ATP6V0E1: variants seen among roughly 807,000 people sequenced by gnomAD.
The protein encoded by ATP6V0E1 is V-type proton ATPase subunit e 1.
A neutral mutation model predicts 11.6 loss-of-function variants in ATP6V0E1; 4 were observed. The observed-to-expected ratio is 0.35, with a 90% CI of 0.17 to 0.79. The LOEUF (loss-of-function observed/expected upper bound fraction) is 0.79. Ranked by LOEUF, ATP6V0E1 falls within the 30% of genes least tolerant of loss-of-function variation. The pLI, the probability that ATP6V0E1 is intolerant of heterozygous loss-of-function variation, is 0.54. For synonymous variants in ATP6V0E1, 36 were observed against 34.8 expected (o/e 1.04, Z -0.13); for missense variants, 105 against 100.0 (o/e 1.05, Z -0.21).
At chr5:173,002,885 G>T (rs1326703789) in intron 2 of ATP6V0E1, among the ~76,000 whole-genome samples, 1 of 151,882 alleles carries the variant, frequency 6.6e-6, no homozygotes, top group Non-Finnish European at 1.5e-5. Context: ...AGGCACTGAG[G>T]GGTAAAGAGC....
chr5:173,034,101 C>T (rs1256996022), intron 3 of ATP6V0E1, among the ~76,000 whole-genome samples: 2 of 152,112 alleles, frequency 1.3e-5, no homozygotes, highest in Non-Finnish European at 2.9e-5. Context: ...CTTGAAACTG[C>T]GGTGAATTCA....
intron 2 of ATP6V0E1, among the ~76,000 whole-genome samples, chr5:173,010,237 A>G (rs1756299035): frequency 6.6e-6 from 1 of 152,114 alleles, no homozygotes; most frequent in South Asian, 2.1e-4. Context: ...GGAGGTGGAG[A>G]TGAGAATGAC....
At chr5:172,995,705 C>T (rs1032829328) in intron 2 of ATP6V0E1, among the ~76,000 whole-genome samples, 2 of 152,182 alleles carry the variant, frequency 1.3e-5, no homozygotes. Flanking sequence ...GCCTCAAACT[C>T]TTAGGCTCAG....
intron 2 of ATP6V0E1, among the ~76,000 whole-genome samples, chr5:173,012,014 C>T (rs1347411639): frequency 2.0e-5 from 3 of 151,518 alleles, no homozygotes; most frequent in African/African-American, 4.9e-5. Flanking sequence ...TCAAATAAAC[C>T]AGACTAGACT....
intron 1 of ATP6V0E1, among the ~76,000 whole-genome samples, chr5:172,984,313 C>T (rs1487911051): frequency 1.3e-5 from 2 of 152,186 alleles, no homozygotes; most frequent in Non-Finnish European, 2.9e-5. Flanking sequence ...CCCCTTTAGC[C>T]CTGCCTTCCA....
In ATP6V0E1 at chr5:172,984,098, G is replaced by T. The variant is rs2113572966; in HGVS notation, c.104+134G>T. On this transcript the variant is annotated intron_variant, in intron 1 of 3. Coordinates refer to ENST00000519374, the MANE Select transcript of ATP6V0E1 (RefSeq NM_003945.4). ...CCCCGCGCTGCAGAGTCAGGCCCCC[G>T]ACCCGGCGGAACTCCTTGTGTTCCT... 9.8e-6 allele frequency: 8 copies of T among 817,422 alleles called. No individual in the cohort carries two copies. In the South Asian group the frequency reaches 1.0e-4, roughly 10 times the overall value. 50.6% of individuals were successfully genotyped at this position (817,422 alleles called of 1,614,324 possible).
intron 2 of ATP6V0E1, among the ~76,000 whole-genome samples, chr5:172,996,454 C>T (rs1461857352): frequency 2.6e-5 from 4 of 151,630 alleles, no homozygotes; most frequent in East Asian, 1.9e-4. Flanking sequence ...CCCAGCTGCT[C>T]GGGAGGCTGA....
chr5:173,032,239 TTTTA>T, intron 3 of ATP6V0E1, among the ~76,000 whole-genome samples: 1 of 7,938 alleles, frequency 1.3e-4, no homozygotes, highest in Admixed American at 1.4e-3. Flanking sequence ...GCACATTTAC[TTTTA>T]TTTTATTTTA....
chr5:173,021,116 T>C (rs1440361903), intron 3 of ATP6V0E1, among the ~76,000 whole-genome samples: 1 of 152,036 alleles, frequency 6.6e-6, no homozygotes, highest in Non-Finnish European at 1.5e-5. Flanking sequence ...TTTTTACTTA[T>C]GGCAGAAAGC....
chr5:172,983,928 T>G lies in ATP6V0E1; in HGVS notation c.68T>G (p.Leu23Trp). 2.5e-6 allele frequency: 4 copies of G among 1,613,178 alleles called. No individual in the cohort carries two copies. The highest frequency in any genetic ancestry group is 3.4e-6 in the Non-Finnish European group (4 of 1,179,812). The change falls in exon 1 of 4, where the codon TTG (leucine) becomes TGG (tryptophan). Residue 23 changes from leucine (L) to tryptophan (W), a missense_variant. Leu to Trp is a moderately conservative substitution (Grantham distance 61). Transcript: ENST00000519374. Reference sequence around the variant, plus strand: ...GTGTTCTGGGGCTTCGTCGGCTTCTTGGTGCCTTGGTTCATCCCTAAGGGT... The same window carrying G: ...GTGTTCTGGGGCTTCGTCGGCTTCTGGGTGCCTTGGTTCATCCCTAAGGGT... ...MSVFWGFVGF[L>W]VPWFIPKGPN...
intron 1 of ATP6V0E1, among the ~76,000 whole-genome samples, chr5:172,988,081 C>CT (rs1056914628): frequency 2.6e-5 from 4 of 151,944 alleles, no homozygotes; most frequent in Admixed American, 6.6e-5. Flanking sequence ...ACTTTTTAAA[C>CT]TTTTTTTTGT....
intron 3 of ATP6V0E1, among the ~76,000 whole-genome samples, chr5:173,023,147 G>A (rs540528604): frequency 6.6e-5 from 10 of 152,112 alleles, no homozygotes; most frequent in South Asian, 4.2e-4. Flanking sequence ...ATCAGCCACC[G>A]TGCCTGGCCG....
chr5:173,032,232 CATTT>C (rs1263702696), intron 3 of ATP6V0E1, among the ~76,000 whole-genome samples: 1 of 37,902 alleles, frequency 2.6e-5, no homozygotes, highest in Non-Finnish European at 4.8e-5. Flanking sequence ...ACATAATGCA[CATTT>C]ACTTTTATTT....
At chr5:173,007,322 C>T (rs952270599) in intron 2 of ATP6V0E1, among the ~76,000 whole-genome samples, 1 of 152,092 alleles carries the variant, frequency 6.6e-6, no homozygotes, top group Non-Finnish European at 1.5e-5. Context: ...TCCAAGCTCT[C>T]GTGGCTGTCA....
chr5:172,985,113 C>T (rs982514232), intron 1 of ATP6V0E1, among the ~76,000 whole-genome samples: 9 of 151,800 alleles, frequency 5.9e-5, no homozygotes, highest in Non-Finnish European at 7.4e-5. Flanking sequence ...GGCGTGGTGG[C>T]GGGCGCCTGT....
chr5:173,009,202 G>A (rs1756277992), intron 2 of ATP6V0E1, among the ~76,000 whole-genome samples: 1 of 151,736 alleles, frequency 6.6e-6, no homozygotes, highest in South Asian at 2.1e-4. Flanking sequence ...CTCCAGCCTG[G>A]GCAACAGAGC....
chr5:173,008,666 T>G (rs1193505506), intron 2 of ATP6V0E1, among the ~76,000 whole-genome samples: 1 of 147,286 alleles, frequency 6.8e-6, no homozygotes, highest in Non-Finnish European at 1.5e-5. Context: ...TCCCAGCACT[T>G]TGGGAGGCCA....
intron 2 of ATP6V0E1, among the ~76,000 whole-genome samples, chr5:173,011,781 A>G (rs570405032): frequency 3.2e-4 from 49 of 152,156 alleles, no homozygotes; most frequent in Non-Finnish European, 5.4e-4. Flanking sequence ...GTTCGGGCAA[A>G]CATGAAAGGT....
chr5:173,034,484 G>A lies in ATP6V0E1; in HGVS notation c.*122G>A. ...GACTTGCCTGTTTTGGCCATTAGCTGCCTTAAACGTTAACAGCACATTTGA... is the reference window on the plus strand; with the variant it reads ...GACTTGCCTGTTTTGGCCATTAGCTACCTTAAACGTTAACAGCACATTTGA... On this transcript the variant is annotated 3_prime_UTR_variant, in exon 4 of 4. Coordinates refer to ENST00000519374, the MANE Select transcript of ATP6V0E1 (RefSeq NM_003945.4). 1.4e-6 allele frequency: 1 copy of A among 701,934 alleles called. No homozygotes were observed. Among genetic ancestry groups the A allele is most frequent in the Non-Finnish European group, 2.6e-6 (1 of 384,164 alleles). The allele number at this position is 701,934 out of a possible 1,614,324, so 43.5% of individuals were successfully genotyped here. A position where few individuals can be genotyped will look rare whatever the true frequency, so the allele number is the denominator to read the frequency against.
Sources: allele counts gnomAD v4.1 joint callset (sites outside exome capture counted in the v4.1 genomes callset), GRCh38; gene constraint gnomAD v4.1.1; transcripts MANE v1.5; gene names NCBI Gene and HGNC (gene_info 2026-07-23, HGNC 2026-07-21).